SPG7: variants seen among roughly 807,000 people sequenced by gnomAD.
SPG7 encodes mitochondrial inner membrane m-AAA protease component paraplegin.
SPG7 carries 103 observed loss-of-function variants against 81.9 expected under a neutral mutation model. The ratio of observed to expected loss-of-function variants is 1.26; its 90% CI spans 1.07 to 1.48. The LOEUF (loss-of-function observed/expected upper bound fraction) is 1.48. Among genes scored for constraint, SPG7 ranks in the 40% most tolerant of loss-of-function variants. The pLI is 0.00. For missense variants in SPG7, 1,241 were observed against 1,087.3 expected (o/e 1.14, Z -1.99); for synonymous variants, 534 against 444.2 (o/e 1.20, Z -2.54).
chr16:89,543,245 C>CCACCAGTGGATTCTTTTTTTTTTTTTTT, intron 9 of SPG7: 1 of 149,324 alleles, frequency 6.7e-6, no homozygotes, highest in South Asian at 2.2e-4. Context: ...CCGCGCCTGG[C>CCACCAGTGGATTCTTTTTTTTTTTTTTT]TATATCCTGT....
At chr16:89,549,103 C>T (rs747798107) in intron 12 of SPG7, 12 of 456,400 alleles carry the variant, frequency 2.6e-5, no homozygotes, top group South Asian at 9.3e-5. Context: ...AGAGGACTGG[C>T]GCTGCCTGTG....
chr16:89,551,849 C>A (rs2058636964), intron 13 of SPG7: 1 of 152,094 alleles, frequency 6.6e-6, no homozygotes, highest in East Asian at 1.9e-4. Context: ...CAAGACTGTG[C>A]CACTGTACTC....
chr16:89,552,964 T>G lies in SPG7; in HGVS notation c.1780-15T>G. ...ATCCTGCCTACTGACCTGGGTCATC[T>G]TGACCTTGTGCCAGGTCTCCATAAC... On this transcript the variant is annotated splice_polypyrimidine_tract_variant and intron_variant, in intron 13 of 16. Transcript: ENST00000645818. 1 of 1,611,232 alleles carries G rather than the reference T, an allele frequency of 6.2e-7. No homozygotes were observed.
At chr16:89,531,024 A>C in intron 7 of SPG7, 2 of 664,742 alleles carry the variant, frequency 3.0e-6, no homozygotes, top group Non-Finnish European at 5.4e-6. Flanking sequence ...AGAGGCTGCC[A>C]AGACCCATGC....
intron 3 of SPG7, among the ~76,000 whole-genome samples, chr16:89,516,122 G>T (rs1024195337): frequency 2.6e-5 from 4 of 151,990 alleles, no homozygotes; most frequent in African/African-American, 9.7e-5. Flanking sequence ...CGAATAGCTG[G>T]GATCACAGGC....
rs368011393 is a variant in SPG7, at chr16:89,529,604, C to T, written c.861+25C>T. ...TGTAAGTTCTGTAAATCAGAGCTCT[C>T]TGAACTCTTTCTGGTTTGTGTTTGC... On this transcript the variant is annotated intron_variant, in intron 6 of 16. Transcript: ENST00000645818. 2.6e-6 allele frequency: 4 copies of T among 1,510,070 alleles called. No individual in the cohort carries two copies. In the African/African-American group the frequency reaches 5.5e-5, roughly 21 times the overall value. 93.5% of individuals were successfully genotyped at this position (1,510,070 alleles called of 1,614,324 possible). A position where few individuals can be genotyped will look rare whatever the true frequency, so the allele number is the denominator to read the frequency against.
chr16:89,516,804 G>A (rs1014207015), intron 3 of SPG7: 4 of 151,698 alleles, frequency 2.6e-5, no homozygotes, highest in Non-Finnish European at 4.4e-5. Context: ...GGCGAAGCTT[G>A]CAGTGAGCCG....
chr16:89,524,687 T>G (rs942230001), intron 4 of SPG7, among the ~76,000 whole-genome samples: 5 of 152,092 alleles, frequency 3.3e-5, no homozygotes, highest in African/African-American at 1.2e-4. Flanking sequence ...TCAGGTGATC[T>G]GCCCACCTTG....
intron 16 of SPG7, chr16:89,556,108 G>A (rs955480984): frequency 2.5e-6 from 1 of 398,842 alleles, no homozygotes; most frequent in Non-Finnish European, 4.4e-6. Flanking sequence ...ACTGGCTGAG[G>A]AGTGGTGTGT....
intron 9 of SPG7, chr16:89,540,981 T>C (rs2058487664): frequency 1.0e-6 from 1 of 985,180 alleles, no homozygotes; most frequent in Admixed American, 6.2e-5. Flanking sequence ...AACTGGTGTA[T>C]CCTTATCACG....
rs1163320784 is a variant in SPG7, at chr16:89,550,442, G to A, written c.1664-52G>A. On this transcript the variant is annotated intron_variant, in intron 12 of 16. Coordinates refer to ENST00000645818, the MANE Select transcript of SPG7 (RefSeq NM_003119.4). ...CCCGCCTTGGCCTCCCACAGCGCTG[G>A]GATTACAGGCGTGAGCCACCGCGCC... 3.8e-6 allele frequency: 5 copies of A among 1,325,636 alleles called. No individual in the cohort carries two copies. In the South Asian group the frequency reaches 5.9e-5, roughly 16 times the overall value. The allele number at this position is 1,325,636 out of a possible 1,614,324, so 82.1% of individuals were successfully genotyped here.
intron 16 of SPG7, chr16:89,556,553 C>T (rs2058688937): frequency 5.1e-6 from 2 of 392,076 alleles, no homozygotes; most frequent in Non-Finnish European, 9.5e-6. Context: ...CTGCTCTCCT[C>T]AATCAGGAGG....
In SPG7 at chr16:89,557,029, A is replaced by G; in HGVS notation, c.2324A>G (p.Glu775Gly). 6.2e-7 allele frequency: 1 copy of G among 1,613,200 alleles called. No homozygotes were observed. The highest frequency in any genetic ancestry group is 8.5e-7 in the Non-Finnish European group (1 of 1,180,018). The change falls in exon 17 of 17, where the codon GAG becomes GGG. Residue 775 changes from glutamate to glycine, a missense_variant. By Grantham distance (98) the Glu-to-Gly change is moderately conservative. Coordinates refer to ENST00000645818, the MANE Select transcript of SPG7 (RefSeq NM_003119.4). ...CAGAGGGAGAAACAGGACTTGGGCG[A>G]GGAGGAGACCGAAGAGACCCAGCAG... Reference protein sequence around the residue: ...DAQREKQDLGEEETEETQQPP... With the variant: ...DAQREKQDLGGEETEETQQPP...
chr16:89,537,184 G>A (rs917002978), intron 9 of SPG7: 19 of 1,434,206 alleles, frequency 1.3e-5, no homozygotes, highest in Middle Eastern at 2.6e-4. Flanking sequence ...GGATAGGGCC[G>A]ACGCTGTGCC....
intron 3 of SPG7, chr16:89,523,400 G>A: frequency 3.1e-6 from 1 of 323,556 alleles, no homozygotes; most frequent in Non-Finnish European, 6.1e-6. Flanking sequence ...GATTGGGAAG[G>A]TATTATTTCT....
At chr16:89,521,327 A>G (rs1357055595) in intron 3 of SPG7, 1 of 152,294 alleles carries the variant, frequency 6.6e-6, no homozygotes, top group African/African-American at 2.4e-5. Flanking sequence ...GCTAAGAGCC[A>G]GCCTGTGTCA....
chr16:89,509,216 C>T (rs899796482), intron 1 of SPG7, among the ~76,000 whole-genome samples: 1 of 152,096 alleles, frequency 6.6e-6, no homozygotes, highest in Non-Finnish European at 1.5e-5. Flanking sequence ...TTTCTCCTAG[C>T]CCTCGCCTAG....
At chr16:89,510,685 G>A in intron 2 of SPG7, 93 bp downstream of exon 2, 1 of 800,858 alleles carries the variant, frequency 1.2e-6, no homozygotes, top group South Asian at 1.4e-5. Context: ...TTAGAGACGG[G>A]ATCTCGCCCT....
intron 3 of SPG7, chr16:89,518,646 A>G (rs1444180223): frequency 6.6e-6 from 1 of 152,238 alleles, no homozygotes; most frequent in African/African-American, 2.4e-5. Context: ...TGAACCCAGA[A>G]GGAATTATAC....
Sources: gnomAD v4.1 joint callset for allele counts (sites outside exome capture counted in the v4.1 genomes callset) on GRCh38, gnomAD v4.1.1 for gene constraint, MANE v1.5 for transcripts, NCBI Gene and HGNC (gene_info 2026-07-23, HGNC 2026-07-21) for gene names.